Variants in ALMS1 observed in about 807,000 individuals in gnomAD.
ALMS1 encodes ALMS1 centrosome and basal body associated protein, also known as centrosome-associated protein ALMS1.
ALMS1 carries 271 observed loss-of-function variants against 352.2 expected under a neutral mutation model. That is an observed-to-expected ratio of 0.77 (90% CI 0.70 to 0.85). The LOEUF (loss-of-function observed/expected upper bound fraction) is 0.85, where lower values mean the gene tolerates loss of function less well. ALMS1 is among the 40% of genes least tolerant of loss of function. ALMS1 has a pLI of 0.00. For missense variants in ALMS1, 5,445 were observed against 4,870.7 expected (o/e 1.12, Z -3.51); for synonymous variants, 1,865 against 1,761.2 (o/e 1.06, Z -1.48).
Position 73,449,525 on chromosome 2 carries a change from T to G in ALMS1, c.2998T>G (p.Ser1000Ala), listed in dbSNP as rs1671882219. 1 of 1,613,916 alleles carries G rather than the reference T, an allele frequency of 6.2e-7. No individual in the cohort carries two copies. Among genetic ancestry groups the G allele is most frequent in the African/African-American group, 1.3e-5 (1 of 74,902 alleles). The change falls in exon 8 of 23, where the codon TCA (serine) becomes GCA (alanine). Residue 1000 changes from serine to alanine, a missense_variant. By Grantham distance (99) the Ser-to-Ala change is moderately conservative. Transcript: ENST00000613296. ...GACTGTCCCAACACCAACAGTACCT[T>G]CAGGTTCCTTCTCACATAGAGAGAA... ...QKTVPTPTVP[S>A]GSFSHREKPS... is the part of the protein sequence containing the mutation.
At chr2:73,592,640 C>T (rs1018503622) in intron 16 of ALMS1, among the ~76,000 whole-genome samples, 3 of 152,320 alleles carry the variant, frequency 2.0e-5, no homozygotes, top group South Asian at 2.1e-4. Context: ...TACCAATCCT[C>T]CTGCCTGAAG....
chr2:73,509,620 A>G (rs1045063557), intron 10 of ALMS1, among the ~76,000 whole-genome samples: 3 of 152,194 alleles, frequency 2.0e-5, no homozygotes, highest in African/African-American at 4.8e-5. Flanking sequence ...GTTTCTGCCA[A>G]GAGATCTGCT....
Position 73,386,054 on chromosome 2 carries a change from C to A in ALMS1, c.186C>A (p.Pro62=). 1 of 1,585,250 alleles carries A rather than the reference C, an allele frequency of 6.3e-7. No individual in the cohort carries two copies. Among genetic ancestry groups the A allele is most frequent in the Non-Finnish European group, 8.6e-7 (1 of 1,166,394 alleles). ...TGGACTCCGACTCTCACTACGGGCC[C>A]CAGCATCTGGAAAGTATAGACGACG... The part of the protein sequence containing the change: ...RELDSDSHYG[P]QHLESIDDEE... Residue 62 remains proline, a synonymous_variant, in exon 1 of 23, where the codon CCC becomes CCA. Coordinates refer to ENST00000613296, the MANE Select transcript of ALMS1 (RefSeq NM_001378454.1).
intron 16 of ALMS1, among the ~76,000 whole-genome samples, chr2:73,591,517 A>G (rs926844269): frequency 2.0e-5 from 3 of 152,220 alleles, no homozygotes; most frequent in Non-Finnish European, 4.4e-5. Context: ...AAACAACTGA[A>G]ATAACATATG....
chr2:73,411,616 A>G (rs1215836753), intron 2 of ALMS1, among the ~76,000 whole-genome samples: 1 of 152,194 alleles, frequency 6.6e-6, no homozygotes, highest in Non-Finnish European at 1.5e-5. Flanking sequence ...TGGGTTCGTC[A>G]GAATAGCTGG....
intron 7 of ALMS1, among the ~76,000 whole-genome samples, chr2:73,434,730 C>G (rs921096597): frequency 6.6e-6 from 1 of 151,992 alleles, no homozygotes; most frequent in African/African-American, 2.4e-5. Flanking sequence ...CCTTTTTTCT[C>G]TCAGATTTGC....
intron 9 of ALMS1, among the ~76,000 whole-genome samples, chr2:73,479,337 G>A (rs961909644): frequency 5.3e-5 from 8 of 152,108 alleles, no homozygotes; most frequent in Non-Finnish European, 1.0e-4. Context: ...CTACAAAGGT[G>A]CCTCATGATA....
chr2:73,450,934 A>G lies in ALMS1; in HGVS notation c.4407A>G (p.Pro1469=), dbSNP rs2103782683. The G allele has an allele frequency of 1.2e-6, 2 of 1,614,048 alleles. No individual in the cohort carries two copies. Among genetic ancestry groups the G allele is most frequent in the Non-Finnish European group, 1.7e-6 (2 of 1,179,952 alleles). ...CAGTTGACCAGACGATTGGCACACC[A>G]ACTGTAACCTCCCCTTCCAGCTCAT... is the stretch of plus-strand genomic sequence containing the variant. ...PGPVDQTIGT[P]TVTSPSSSFG... is the part of the protein sequence containing the mutation. The change falls in exon 8 of 23, where the codon CCA becomes CCG. Residue 1469 remains proline, a synonymous_variant. Coordinates refer to ENST00000613296, the MANE Select transcript of ALMS1 (RefSeq NM_001378454.1).
chr2:73,402,857 C>T (rs1395655868), intron 1 of ALMS1, among the ~76,000 whole-genome samples: 1 of 151,842 alleles, frequency 6.6e-6, no homozygotes, highest in Admixed American at 6.6e-5. Context: ...TTGTTCAGGT[C>T]CGTTGCCCAT....
In ALMS1 at chr2:73,386,119, C is replaced by T. The variant is rs1025964615; in HGVS notation, c.251C>T (p.Pro84Leu). Residue 84 changes from proline (P) to leucine (L), a missense_variant, in exon 1 of 23, where the codon CCC becomes CTC. Transcript: ENST00000613296. Reference sequence around the variant, plus strand: ...GCCAAGGCCTGGCTGCAGGCGCACCCCGGCAGGATTTTGCCTCCGCTGTCG... The same window carrying T: ...GCCAAGGCCTGGCTGCAGGCGCACCTCGGCAGGATTTTGCCTCCGCTGTCG... ...EEAKAWLQAH[P>L]GRILPPLSPP... 2.5e-6 allele frequency: 4 copies of T among 1,580,672 alleles called. No homozygotes were observed. The Admixed American group carries it at 7.3e-5, about 29-fold the overall frequency.
intron 1 of ALMS1, among the ~76,000 whole-genome samples, chr2:73,387,900 A>C (rs1033158411): frequency 6.6e-6 from 1 of 152,172 alleles, no homozygotes; most frequent in African/African-American, 2.4e-5. Context: ...GATTTGAGAG[A>C]TATTTAAGAG....
intron 9 of ALMS1, among the ~76,000 whole-genome samples, chr2:73,474,403 G>GTC (rs111559461): frequency 0.19 from 19,323 of 99,342 alleles, 1,579 homozygotes; most frequent in Admixed American, 0.29. Flanking sequence ...GTGTGTGTGT[G>GTC]TGTGTGTCTA....
intron 1 of ALMS1, among the ~76,000 whole-genome samples, chr2:73,405,985 T>TCCA (rs1284267407): frequency 2.0e-5 from 3 of 152,192 alleles, no homozygotes; most frequent in African/African-American, 7.2e-5. Context: ...TTGAGAAGAA[T>TCCA]GTATATTGTG....
chr2:73,571,616 G>GA (rs1674929194), intron 15 of ALMS1, among the ~76,000 whole-genome samples: 1 of 152,020 alleles, frequency 6.6e-6, no homozygotes, highest in Admixed American at 6.6e-5. Context: ...ATGAATCTTA[G>GA]AGGGACGCAA....
intron 9 of ALMS1, among the ~76,000 whole-genome samples, chr2:73,473,834 A>G (rs961717327): frequency 2.0e-5 from 3 of 152,094 alleles, no homozygotes; most frequent in African/African-American, 7.2e-5. Flanking sequence ...TTCGAGGAGA[A>G]GAAAGAGAAA....
chr2:73,386,362 C>T (rs1323928414), intron 1 of ALMS1, among the ~76,000 whole-genome samples, 170 bp downstream of exon 1: 1 of 152,214 alleles, frequency 6.6e-6, no homozygotes, highest in African/African-American at 2.4e-5. Flanking sequence ...TGCTCCGCGT[C>T]TCCCAGGCTT....
At chr2:73,601,506 C>T in intron 19 of ALMS1, 70 bp downstream of exon 19, 2 of 1,576,716 alleles carry the variant, frequency 1.3e-6, no homozygotes, top group South Asian at 2.3e-5. Context: ...GAGAAGCTGG[C>T]TCTGTGACTT....
intron 12 of ALMS1, among the ~76,000 whole-genome samples, chr2:73,540,305 A>G (rs1674143640): frequency 6.6e-6 from 1 of 152,230 alleles, no homozygotes. Flanking sequence ...AATCCTTTAC[A>G]GACAAGCAAA....
intron 2 of ALMS1, among the ~76,000 whole-genome samples, chr2:73,409,226 AG>A (rs1433396672): frequency 2.0e-5 from 3 of 152,090 alleles, no homozygotes; most frequent in African/African-American, 7.2e-5. Context: ...TATATGTAGA[AG>A]AGCAGTTCAC....
Sources: gnomAD v4.1 joint callset for allele counts (sites outside exome capture counted in the v4.1 genomes callset) on GRCh38, gnomAD v4.1.1 for gene constraint, MANE v1.5 for transcripts, NCBI Gene and HGNC (gene_info 2026-07-23, HGNC 2026-07-21) for gene names.